Variants in SPDYA observed in about 807,000 individuals in gnomAD.
SPDYA encodes the protein speedy protein A.
Under a neutral mutation model 36.7 loss-of-function variants are expected in SPDYA, and 11 were observed. The observed-to-expected ratio is 0.30, with a 90% CI of 0.19 to 0.50. The LOEUF is 0.50. Among genes scored for constraint, SPDYA ranks in the 20% least tolerant of loss-of-function variants. The pLI is 0.98. For missense variants in SPDYA, 287 were observed against 370.9 expected, an observed-to-expected ratio of 0.77 and a Z score of 1.86; for synonymous variants, 115 against 118.7, an observed-to-expected ratio of 0.97 and a Z score of 0.20.
intron 6 of SPDYA, among the ~76,000 whole-genome samples, chr2:28,832,268 T>C (rs547371298): frequency 6.6e-6 from 1 of 152,330 alleles, no homozygotes; most frequent in East Asian, 1.9e-4. Flanking sequence ...ATCTACTCAA[T>C]TTAGCAGCAT....
At chr2:28,824,351 C>A (rs959126313) in intron 5 of SPDYA, among the ~76,000 whole-genome samples, 2 of 151,500 alleles carry the variant, frequency 1.3e-5, no homozygotes, top group Non-Finnish European at 1.5e-5. Flanking sequence ...GTGGCATGTG[C>A]CTGTAGTGCC....
intron 1 of SPDYA, among the ~76,000 whole-genome samples, chr2:28,812,638 C>T (rs1275148363): frequency 3.3e-5 from 5 of 151,916 alleles, no homozygotes; most frequent in African/African-American, 9.7e-5. Flanking sequence ...GGGCCGATCA[C>T]CTCAGGTCAG....
At chr2:28,843,900 G>A (rs2148108144) in intron 7 of SPDYA, among the ~76,000 whole-genome samples, 1 of 152,080 alleles carries the variant, frequency 6.6e-6, no homozygotes. Context: ...GCCTGGGCTG[G>A]TCCATGTGAA....
chr2:28,847,589 T>A (rs1668910461), intron 7 of SPDYA, among the ~76,000 whole-genome samples: 2 of 151,332 alleles, frequency 1.3e-5, no homozygotes, highest in Admixed American at 1.3e-4. Context: ...CTTAAAAAAA[T>A]ACAAAAATTA....
In SPDYA at chr2:28,819,122, G is replaced by GT; in HGVS notation, c.294+17dup. 6.3e-7 allele frequency: 1 copy of GT among 1,589,826 alleles called. No individual in the cohort carries two copies. The highest frequency in any genetic ancestry group is 8.6e-7 in the Non-Finnish European group (1 of 1,160,618). ...TGCAGACAAGGTAAATTTGGTAACA[G>GT]TATAACAATTAACCAGCATTATAAT... On this transcript the variant is annotated intron_variant, in intron 4 of 7. Transcript: ENST00000334056.
chr2:28,822,930 C>A (rs1668206626), intron 5 of SPDYA, among the ~76,000 whole-genome samples: 1 of 152,112 alleles, frequency 6.6e-6, no homozygotes, highest in Non-Finnish European at 1.5e-5. Flanking sequence ...TATTCCTCTT[C>A]AATTTGTATT....
intron 6 of SPDYA, among the ~76,000 whole-genome samples, chr2:28,833,894 A>T (rs1292095170): frequency 6.6e-6 from 1 of 152,318 alleles, no homozygotes; most frequent in East Asian, 1.9e-4. Context: ...TTGTCCTTCA[A>T]AGGATACCAA....
At chr2:28,827,330 G>A (rs1172550251) in intron 5 of SPDYA, among the ~76,000 whole-genome samples, 1 of 151,750 alleles carries the variant, frequency 6.6e-6, no homozygotes, top group Admixed American at 6.6e-5. Flanking sequence ...TTTATCTTCA[G>A]CTTATGTCTA....
chr2:28,817,228 G>A (rs952429085), intron 3 of SPDYA, among the ~76,000 whole-genome samples: 13 of 152,094 alleles, frequency 8.5e-5, no homozygotes, highest in African/African-American at 1.7e-4. Flanking sequence ...TCAGAAACAC[G>A]GGAAAATACC....
chr2:28,818,393 C>G (rs1258075959), intron 3 of SPDYA, among the ~76,000 whole-genome samples: 1 of 146,470 alleles, frequency 6.8e-6, no homozygotes, highest in South Asian at 2.1e-4. Context: ...CACTTGAGCC[C>G]AGAAGTTCAA....
At chr2:28,813,455 C>G (rs1035592239) in intron 1 of SPDYA, among the ~76,000 whole-genome samples, 1 of 152,110 alleles carries the variant, frequency 6.6e-6, no homozygotes, top group African/African-American at 2.4e-5. Flanking sequence ...CCCCAACACT[C>G]AAATTTGAAG....
intron 6 of SPDYA, among the ~76,000 whole-genome samples, chr2:28,832,906 T>A (rs1392959252): frequency 2.7e-5 from 4 of 147,848 alleles, no homozygotes; most frequent in South Asian, 2.1e-4. Context: ...AGTGGTGAGA[T>A]CATGGCTCAT....
At chr2:28,824,426 T>C (rs1200891362) in intron 5 of SPDYA, among the ~76,000 whole-genome samples, 2 of 137,580 alleles carry the variant, frequency 1.5e-5, no homozygotes, top group East Asian at 2.1e-4. Flanking sequence ...TGCAGTGAGC[T>C]ATGATCACCA....
At chr2:28,815,551 A>G (rs1667964122) in intron 2 of SPDYA, among the ~76,000 whole-genome samples, 1 of 152,106 alleles carries the variant, frequency 6.6e-6, no homozygotes, top group Non-Finnish European at 1.5e-5. Flanking sequence ...TTAATACTTG[A>G]TAATACATTC....
At chr2:28,823,178 C>T (rs1199119269) in intron 5 of SPDYA, among the ~76,000 whole-genome samples, 1 of 152,138 alleles carries the variant, frequency 6.6e-6, no homozygotes, top group Non-Finnish European at 1.5e-5. Context: ...CATTGGTATT[C>T]ACTGGCTCTT....
intron 5 of SPDYA, among the ~76,000 whole-genome samples, chr2:28,823,744 TAA>T (rs1477965281): frequency 5.2e-4 from 44 of 85,416 alleles, no homozygotes; most frequent in African/African-American, 1.5e-3. Flanking sequence ...TATATATATA[TAA>T]AATTTTTTTT....
intron 5 of SPDYA, among the ~76,000 whole-genome samples, chr2:28,824,553 C>CTTTTTTTTTTCTTTCTT (rs1553315252): frequency 2.0e-4 from 27 of 133,272 alleles, no homozygotes; most frequent in South Asian, 5.0e-4. Context: ...TTCTTTCTTT[C>CTTTTTTTTTTCTTTCTT]TTTTTTTTTT....
intron 7 of SPDYA, 27 bp from the exon 8 acceptor site, chr2:28,849,823 T>C (rs367818482): frequency 4.5e-6 from 6 of 1,337,476 alleles, no homozygotes; most frequent in East Asian, 2.4e-5. Flanking sequence ...ACATAAAATT[T>C]ATCTTAAAAT....
At chr2:28,815,736 G>A (rs755542424) in intron 2 of SPDYA, among the ~76,000 whole-genome samples, 85 of 152,222 alleles carry the variant, frequency 5.6e-4, no homozygotes, top group Non-Finnish European at 8.4e-4. Flanking sequence ...AAATTTGGTC[G>A]AGTTCTGCAG....
Sources: gnomAD v4.1 joint callset for allele counts (sites outside exome capture counted in the v4.1 genomes callset) on GRCh38, gnomAD v4.1.1 for gene constraint, MANE v1.5 for transcripts, NCBI Gene and HGNC (gene_info 2026-07-23, HGNC 2026-07-21) for gene names.